LRBA: variants seen among roughly 807,000 people sequenced by gnomAD.
LRBA encodes LPS responsive beige-like anchor protein, also known as lipopolysaccharide-responsive and beige-like anchor protein.
Under a neutral mutation model 330.0 loss-of-function variants are expected in LRBA, and 176 were observed. The ratio of observed to expected loss-of-function variants is 0.53; its 90% CI spans 0.47 to 0.60. The LOEUF (loss-of-function observed/expected upper bound fraction) is 0.60. LRBA is among the 20% of genes least tolerant of loss of function. The probability of loss-of-function intolerance (pLI) is 0.00; values close to 1 mark genes in which losing one functional copy is unlikely to be tolerated. For synonymous variants in LRBA, 1,230 were observed against 1,193.0 expected (o/e 1.03, Z -0.64); for missense variants, 3,259 against 3,444.8 (o/e 0.95, Z 1.35).
chr4:150,861,271 G>GTA (rs1751899007), intron 22 of LRBA, among the ~76,000 whole-genome samples: 1 of 38,224 alleles, frequency 2.6e-5, no homozygotes. Context: ...CCAGCTAATG[G>GTA]TGTGTGTGTG....
intron 2 of LRBA, among the ~76,000 whole-genome samples, chr4:150,939,789 C>A (rs938565428): frequency 6.6e-6 from 1 of 152,142 alleles, no homozygotes; most frequent in African/African-American, 2.4e-5. Flanking sequence ...TGGATACACA[C>A]AGACATACAG....
intron 36 of LRBA, among the ~76,000 whole-genome samples, chr4:150,717,392 T>G (rs532617530): frequency 6.6e-6 from 1 of 151,988 alleles, no homozygotes; most frequent in African/African-American, 2.4e-5. Context: ...ATTGCTATAT[T>G]TGCCAGACAT....
intron 44 of LRBA, among the ~76,000 whole-genome samples, chr4:150,462,527 A>T (rs1198464702): frequency 1.3e-5 from 2 of 151,716 alleles, no homozygotes; most frequent in Admixed American, 1.3e-4. Context: ...TTAAAAGAAG[A>T]TCAGAAAAAT....
At chr4:151,012,657 A>G (rs1202653372) in intron 2 of LRBA, 2 of 152,190 alleles carry the variant, frequency 1.3e-5, no homozygotes, top group Middle Eastern at 3.4e-3. Flanking sequence ...ATACTATTCT[A>G]TTTTTGCATA....
chr4:150,779,627 C>A (rs1311908175), intron 34 of LRBA, among the ~76,000 whole-genome samples: 3 of 151,796 alleles, frequency 2.0e-5, no homozygotes, highest in Non-Finnish European at 4.4e-5. Context: ...CTTTTTAACT[C>A]GAGAGAAAAT....
At chr4:150,942,254 T>A (rs1735752171) in intron 2 of LRBA, among the ~76,000 whole-genome samples, 1 of 152,170 alleles carries the variant, frequency 6.6e-6, no homozygotes, top group Admixed American at 6.5e-5. Context: ...TTTTCCCCTG[T>A]CCCTTCTCTA....
intron 40 of LRBA, among the ~76,000 whole-genome samples, chr4:150,547,773 T>C (rs1217982726): frequency 6.6e-6 from 1 of 152,150 alleles, no homozygotes; most frequent in African/African-American, 2.4e-5. Flanking sequence ...GATTAAAATG[T>C]GGCTCTCCTA....
chr4:150,761,040 C>T (rs1735010610), intron 35 of LRBA, among the ~76,000 whole-genome samples: 1 of 152,062 alleles, frequency 6.6e-6, no homozygotes, highest in African/African-American at 2.4e-5. Flanking sequence ...TCGAACATTG[C>T]TGAAACAGTA....
At chr4:150,472,954 T>A (rs150274239) in intron 42 of LRBA, among the ~76,000 whole-genome samples, 81 of 152,260 alleles carry the variant, frequency 5.3e-4, no homozygotes, top group African/African-American at 1.9e-3. Flanking sequence ...CATGTATATA[T>A]CTTTATATGA....
intron 36 of LRBA, among the ~76,000 whole-genome samples, chr4:150,709,400 G>A (rs191777651): frequency 1.1e-4 from 17 of 151,994 alleles, no homozygotes; most frequent in Admixed American, 1.1e-3. Flanking sequence ...GTATGTTTTT[G>A]GATTGAAGAC....
intron 42 of LRBA, among the ~76,000 whole-genome samples, chr4:150,486,241 C>T (rs2152090437): frequency 6.6e-6 from 1 of 151,570 alleles, no homozygotes; most frequent in African/African-American, 2.4e-5. Flanking sequence ...CTCAATAAAG[C>T]TGGAAAAAAA....
At chr4:150,510,012 T>A (rs1222944075) in intron 40 of LRBA, among the ~76,000 whole-genome samples, 1 of 152,126 alleles carries the variant, frequency 6.6e-6, no homozygotes, top group Non-Finnish European at 1.5e-5. Context: ...GGCACATGCC[T>A]GTAATCCCAG....
At chr4:150,604,004 G>C (rs1281858515) in intron 37 of LRBA, among the ~76,000 whole-genome samples, 1 of 152,054 alleles carries the variant, frequency 6.6e-6, no homozygotes, top group Non-Finnish European at 1.5e-5. Flanking sequence ...ATTTGGAAGA[G>C]GCAGAAGTAT....
intron 40 of LRBA, among the ~76,000 whole-genome samples, chr4:150,520,377 T>G (rs1176533066): frequency 6.6e-6 from 1 of 152,152 alleles, no homozygotes. Flanking sequence ...ATCTTTCAAT[T>G]TATTTAGGTT....
At chr4:150,649,444 T>C (rs1779506493) in intron 37 of LRBA, among the ~76,000 whole-genome samples, 2 of 152,188 alleles carry the variant, frequency 1.3e-5, no homozygotes, top group African/African-American at 2.4e-5. Context: ...CTTTCACTTA[T>C]CTTCCTTCAA....
At chr4:150,500,073 A>T (rs1009582332) in intron 40 of LRBA, among the ~76,000 whole-genome samples, 7 of 152,160 alleles carry the variant, frequency 4.6e-5, no homozygotes, top group African/African-American at 1.7e-4. Flanking sequence ...GTGAACAATA[A>T]CATATAGTTT....
At chr4:150,612,874 C>T (rs1387325488) in intron 37 of LRBA, among the ~76,000 whole-genome samples, 1 of 152,118 alleles carries the variant, frequency 6.6e-6, no homozygotes, top group Non-Finnish European at 1.5e-5. Flanking sequence ...AGAGTAATCA[C>T]ATTTGTTTTA....
chr4:150,378,244 T>TC, intron 47 of LRBA, among the ~76,000 whole-genome samples: 1 of 152,288 alleles, frequency 6.6e-6, no homozygotes, highest in Non-Finnish European at 1.5e-5. Context: ...ATAATACCCC[T>TC]CCTCAAGGTA....
intron 48 of LRBA, among the ~76,000 whole-genome samples, chr4:150,340,040 C>T (rs182527098): frequency 3.9e-5 from 6 of 152,128 alleles, no homozygotes; most frequent in Non-Finnish European, 7.4e-5. Flanking sequence ...TTATAACGGG[C>T]ATCCTCCTTC....
Sources: allele counts gnomAD v4.1 joint callset (sites outside exome capture counted in the v4.1 genomes callset), GRCh38; gene constraint gnomAD v4.1.1; transcripts MANE v1.5; gene names NCBI Gene and HGNC (gene_info 2026-07-23, HGNC 2026-07-21).